Variants in DNM3 observed in about 807,000 individuals in gnomAD.
The protein encoded by DNM3 is dynamin 3.
In DNM3, 47 loss-of-function variants were observed where a neutral mutation model predicts 101.6. That is an observed-to-expected ratio of 0.46 (90% CI 0.37 to 0.59). The LOEUF (loss-of-function observed/expected upper bound fraction) is 0.59. Ranked by LOEUF, DNM3 falls within the 20% of genes least tolerant of loss-of-function variation. The pLI is 0.00. For synonymous variants in DNM3, 385 were observed against 387.9 expected (o/e 0.99, Z 0.09); for missense variants, 849 against 1,085.7 (o/e 0.78, Z 3.06).
intron 15 of DNM3, among the ~76,000 whole-genome samples, chr1:172,298,438 T>G (rs1462232609): frequency 6.6e-6 from 1 of 152,162 alleles, no homozygotes; most frequent in Non-Finnish European, 1.5e-5. Context: ...GTAGAAAAAC[T>G]TAGCCCCTCC....
intron 11 of DNM3, among the ~76,000 whole-genome samples, chr1:172,076,030 A>G (rs2052619255): frequency 6.6e-6 from 1 of 152,156 alleles, no homozygotes; most frequent in African/African-American, 2.4e-5. Context: ...GGTCCTTCAC[A>G]TCCCTTGTAA....
intron 1 of DNM3, among the ~76,000 whole-genome samples, chr1:171,872,164 G>A (rs937669908): frequency 3.3e-5 from 5 of 152,058 alleles, no homozygotes; most frequent in African/African-American, 1.2e-4. Context: ...TTGAGTTAGT[G>A]CTTAAAGAAT....
At chr1:171,845,083 A>G (rs746802385) in intron 1 of DNM3, among the ~76,000 whole-genome samples, 35 of 152,176 alleles carry the variant, frequency 2.3e-4, no homozygotes, top group Non-Finnish European at 3.7e-4. Flanking sequence ...CTCAAGGATA[A>G]TTTAATTTAA....
intron 14 of DNM3, among the ~76,000 whole-genome samples, chr1:172,149,680 C>T (rs1342089704): frequency 3.3e-5 from 5 of 152,106 alleles, no homozygotes; most frequent in African/African-American, 1.2e-4. Context: ...GTCCTCAGGT[C>T]ACTGACAATT....
chr1:172,363,729 T>C (rs1225663724), intron 17 of DNM3, among the ~76,000 whole-genome samples: 1 of 151,834 alleles, frequency 6.6e-6, no homozygotes, highest in Non-Finnish European at 1.5e-5. Context: ...CTCATCTCCT[T>C]AGCCTAACCC....
chr1:172,027,195 G>A (rs777797792), intron 4 of DNM3, among the ~76,000 whole-genome samples: 1 of 152,068 alleles, frequency 6.6e-6, no homozygotes, highest in Non-Finnish European at 1.5e-5. Flanking sequence ...CAAATTACAG[G>A]CAAAATAGCC....
chr1:172,144,668 C>T (rs372752670), intron 14 of DNM3: 10 of 522,194 alleles, frequency 1.9e-5, no homozygotes, highest in African/African-American at 1.4e-4. Context: ...AATCCTCTCC[C>T]GGTCCTCAGG....
At chr1:172,312,599 T>C (rs1382019566) in intron 16 of DNM3, among the ~76,000 whole-genome samples, 1 of 152,222 alleles carries the variant, frequency 6.6e-6, no homozygotes, top group Non-Finnish European at 1.5e-5. Context: ...CTGTTTCTTT[T>C]GTCTCTTAAG....
At position 172,010,786 on chromosome 1, in the gene DNM3, T is replaced by G. The variant is rs575525228; in HGVS notation, c.590-21616T>G. Among the ~76,000 whole-genome samples the G allele has an allele frequency of 1.9e-3, 283 of 151,388 alleles. 1 individual carries two copies. The highest frequency in any genetic ancestry group is 3.1e-3 in the Non-Finnish European group (207 of 67,656). On this transcript the variant is annotated intron_variant, in intron 4 of 20. Transcript: ENST00000627582. ...TAGTTTTCATCAATTATTTTTTCTT[T>G]TCATTCCTTTTATTTACTCATGTTC...
intron 2 of DNM3, among the ~76,000 whole-genome samples, chr1:171,959,390 G>A (rs1003617792): frequency 6.6e-6 from 1 of 152,098 alleles, no homozygotes; most frequent in Non-Finnish European, 1.5e-5. Context: ...CTTGGGTTAC[G>A]GGATCAGTGA....
rs550823671 is a variant in DNM3 at position 172,032,165 on chromosome 1, G to T, written c.590-237G>T. ...ATTTCAAAATTATTTTTGTGCTATA[G>T]CTATTTGTTTTTCTCCCTTGGGTTG... is the stretch of plus-strand genomic sequence containing the variant. On this transcript the variant is annotated intron_variant, in intron 4 of 20. Coordinates refer to ENST00000627582, the MANE Select transcript of DNM3 (RefSeq NM_015569.5). 2.0e-3 allele frequency among the ~76,000 whole-genome samples: 299 copies of T among 152,200 alleles called. 3 individuals are homozygous for T. The highest frequency in any genetic ancestry group is 6.3e-3 in the African/African-American group (263 of 41,550).
chr1:172,243,447 A>G (rs2061822266), intron 14 of DNM3, among the ~76,000 whole-genome samples: 1 of 152,094 alleles, frequency 6.6e-6, no homozygotes, highest in African/African-American at 2.4e-5. Flanking sequence ...TTCCTGGAGG[A>G]GGTGGAAATT....
chr1:172,097,447 T>C (rs1199103030), intron 13 of DNM3, among the ~76,000 whole-genome samples: 5 of 152,008 alleles, frequency 3.3e-5, no homozygotes, highest in Non-Finnish European at 4.4e-5. Context: ...ATTTTGAATA[T>C]GTTTGTGCTT....
Position 172,409,719 on chromosome 1 carries a change from G to C in DNM3, c.*1878G>C. The C allele has an allele frequency of 1.0e-6, 1 of 985,020 alleles. No individual in the cohort carries two copies. The highest frequency in any genetic ancestry group is 5.2e-4 in the Middle Eastern group (1 of 1,912). The allele number at this position is 985,020 out of a possible 1,614,324, so 61.0% of individuals were successfully genotyped here. On this transcript the variant is annotated 3_prime_UTR_variant, in exon 21 of 21. Coordinates refer to ENST00000627582, the MANE Select transcript of DNM3 (RefSeq NM_015569.5). ...TCCATAGTAAAACAAATAATCTTCA[G>C]TGAGATCTTTTTATAAAACTTCTTG...
intron 17 of DNM3, among the ~76,000 whole-genome samples, chr1:172,327,693 T>G (rs991083120): frequency 1.6e-4 from 25 of 152,164 alleles, no homozygotes; most frequent in African/African-American, 5.8e-4. Flanking sequence ...CTTAGAAAAC[T>G]TAAGCCAATA....
At chr1:172,363,521 G>A (rs1360479754) in intron 17 of DNM3, among the ~76,000 whole-genome samples, 1 of 151,646 alleles carries the variant, frequency 6.6e-6, no homozygotes, top group Non-Finnish European at 1.5e-5. Flanking sequence ...ATGATCTACT[G>A]GTTACCTCTC....
At chr1:172,219,069 TTGTC>T (rs1218580171) in intron 14 of DNM3, among the ~76,000 whole-genome samples, 1 of 151,960 alleles carries the variant, frequency 6.6e-6, no homozygotes, top group Non-Finnish European at 1.5e-5. Context: ...ATTGAAACCT[TTGTC>T]TGGGCACAAT....
chr1:172,088,999 T>G (rs2053722708), intron 12 of DNM3, among the ~76,000 whole-genome samples: 1 of 152,240 alleles, frequency 6.6e-6, no homozygotes, highest in East Asian at 1.9e-4. Flanking sequence ...GGTTCTACGT[T>G]TTAGTGTTCT....
Position 172,131,171 on chromosome 1 carries a change from G to T in DNM3, c.1546-4G>T, listed in dbSNP as rs372889478. 1.9e-6 allele frequency: 3 copies of T among 1,612,772 alleles called. No individual in the cohort carries two copies. Among genetic ancestry groups the T allele is most frequent in the South Asian group, 2.2e-5 (2 of 90,964 alleles). ...CACCTCTGCTGATTTCTGCTTTTTCGTAGGTGATTCGCAAGGGGTGGCTCA... is the reference window on the plus strand; with the variant it reads ...CACCTCTGCTGATTTCTGCTTTTTCTTAGGTGATTCGCAAGGGGTGGCTCA... On this transcript the variant is annotated splice_polypyrimidine_tract_variant and splice_region_variant and intron_variant, in intron 13 of 20. Transcript: ENST00000627582.
Sources: gnomAD v4.1 joint callset for allele counts (sites outside exome capture counted in the v4.1 genomes callset) on GRCh38, gnomAD v4.1.1 for gene constraint, MANE v1.5 for transcripts, NCBI Gene and HGNC (gene_info 2026-07-23, HGNC 2026-07-21) for gene names.